The following PFDN1 variants were observed in gnomAD, a reference collection of about 807,000 sequenced individuals.
The protein encoded by PFDN1 is prefoldin subunit 1.
In PFDN1, 6 loss-of-function variants were observed where a neutral mutation model predicts 17.3. The observed-to-expected ratio is 0.35, with a 90% CI of 0.19 to 0.69. The LOEUF (loss-of-function observed/expected upper bound fraction) is 0.69, where lower values mean the gene tolerates loss of function less well. Among genes scored for constraint, PFDN1 ranks in the 30% least tolerant of loss-of-function variants. The pLI is 0.65. For synonymous variants in PFDN1, 58 were observed against 50.1 expected (o/e 1.16, Z -0.67); for missense variants, 113 against 146.2 (o/e 0.77, Z 1.17).
chr5:140,288,338 A>C (rs1454308447), intron 2 of PFDN1, among the ~76,000 whole-genome samples: 1 of 152,226 alleles, frequency 6.6e-6, no homozygotes, highest in South Asian at 2.1e-4. Context: ...CATTCCAACT[A>C]TATGAGATTT....
chr5:140,259,322 G>A (rs912489284), intron 3 of PFDN1, among the ~76,000 whole-genome samples: 3 of 152,190 alleles, frequency 2.0e-5, no homozygotes, highest in Non-Finnish European at 4.4e-5. Context: ...GACAAATAAC[G>A]TTAACTCCTA....
At chr5:140,266,964 T>A (rs1042490523) in intron 3 of PFDN1, among the ~76,000 whole-genome samples, 1 of 152,264 alleles carries the variant, frequency 6.6e-6, no homozygotes, top group Admixed American at 6.5e-5. Context: ...GAATCACACA[T>A]GCTGCGGTGT....
At chr5:140,250,586 T>C (rs1764898552) in intron 3 of PFDN1, among the ~76,000 whole-genome samples, 1 of 152,190 alleles carries the variant, frequency 6.6e-6, no homozygotes, top group South Asian at 2.1e-4. Context: ...CAGGACTTTG[T>C]TCTGTCACCT....
Position 140,245,892 on chromosome 5 carries a change from G to T in PFDN1, c.*82C>A. ...AAATAAAGCATCCATCGGGGCAGAGGAGAAGCTGTTTCCCTGCAGACACTC... is the reference window on the plus strand; with the variant it reads ...AAATAAAGCATCCATCGGGGCAGAGTAGAAGCTGTTTCCCTGCAGACACTC... On this transcript the variant is annotated 3_prime_UTR_variant, in exon 4 of 4. Transcript: ENST00000261813. 1.3e-6 allele frequency: 1 copy of T among 777,366 alleles called. No homozygotes were observed. Among genetic ancestry groups the T allele is most frequent in the Non-Finnish European group, 2.2e-6 (1 of 445,192 alleles). 48.2% of individuals were successfully genotyped at this position (777,366 alleles called of 1,614,324 possible).
chr5:140,281,079 C>A, intron 3 of PFDN1: 1 of 165,314 alleles, frequency 6.0e-6, no homozygotes. Context: ...TCATTATTAC[C>A]CACTCTCCTG....
chr5:140,256,681 A>AAAAAC, intron 3 of PFDN1, among the ~76,000 whole-genome samples: 1 of 149,724 alleles, frequency 6.7e-6, no homozygotes, highest in Non-Finnish European at 1.5e-5. Context: ...AAAAAAAAAA[A>AAAAAC]AGCTATGTTT....
At chr5:140,275,763 C>A (rs1765281749) in intron 3 of PFDN1, among the ~76,000 whole-genome samples, 1 of 151,364 alleles carries the variant, frequency 6.6e-6, no homozygotes, top group African/African-American at 2.4e-5. Context: ...GCACCTATGT[C>A]ATGGAAAAGG....
At chr5:140,251,971 T>C (rs988594652) in intron 3 of PFDN1, among the ~76,000 whole-genome samples, 1 of 151,808 alleles carries the variant, frequency 6.6e-6, no homozygotes, top group African/African-American at 2.4e-5. Flanking sequence ...TGTCTCCAGC[T>C]CTCCTTCTCT....
intron 2 of PFDN1, among the ~76,000 whole-genome samples, chr5:140,294,844 C>A (rs956299112): frequency 1.3e-5 from 2 of 151,850 alleles, no homozygotes; most frequent in African/African-American, 4.8e-5. Context: ...AGTAACACCG[C>A]TCCCAAACAG....
At chr5:140,288,128 A>G (rs1765525442) in intron 2 of PFDN1, among the ~76,000 whole-genome samples, 1 of 152,256 alleles carries the variant, frequency 6.6e-6, no homozygotes, top group South Asian at 2.1e-4. Context: ...CAGCTGCTTC[A>G]TTTGTAACCG....
chr5:140,295,519 G>C (rs1765639605), intron 2 of PFDN1, among the ~76,000 whole-genome samples: 1 of 152,128 alleles, frequency 6.6e-6, no homozygotes, highest in Non-Finnish European at 1.5e-5. Flanking sequence ...AGTATGGTGA[G>C]GTCAGCTCAC....
intron 3 of PFDN1, among the ~76,000 whole-genome samples, chr5:140,276,590 G>A (rs1340922575): frequency 1.3e-5 from 2 of 151,912 alleles, no homozygotes; most frequent in South Asian, 4.2e-4. Flanking sequence ...AGACCAGTCT[G>A]GCCAACATGC....
chr5:140,285,347 C>CAAA (rs59589577), intron 2 of PFDN1, among the ~76,000 whole-genome samples: 8 of 88,912 alleles, frequency 9.0e-5, no homozygotes, highest in Admixed American at 2.5e-4. Flanking sequence ...GACTCCATCT[C>CAAA]AAAAAAAAAA....
intron 3 of PFDN1, among the ~76,000 whole-genome samples, chr5:140,258,675 G>A (rs567782280): frequency 7.9e-5 from 12 of 152,302 alleles, no homozygotes; most frequent in African/African-American, 2.2e-4. Flanking sequence ...AGAAGCTGAG[G>A]AGGAAGATGT....
chr5:140,287,790 C>A (rs1765519818), intron 2 of PFDN1, among the ~76,000 whole-genome samples: 2 of 152,198 alleles, frequency 1.3e-5, no homozygotes, highest in African/African-American at 4.8e-5. Flanking sequence ...ATCTGACAGA[C>A]ACCTCACCAA....
chr5:140,268,340 A>C (rs547263468), intron 3 of PFDN1, among the ~76,000 whole-genome samples: 1 of 152,326 alleles, frequency 6.6e-6, no homozygotes, highest in Admixed American at 6.5e-5. Flanking sequence ...AAAATAAATA[A>C]GATACAATTC....
chr5:140,269,839 A>G (rs1179833646), intron 3 of PFDN1, among the ~76,000 whole-genome samples: 1 of 152,234 alleles, frequency 6.6e-6, no homozygotes, highest in Admixed American at 6.5e-5. Flanking sequence ...ACTGAGGCTT[A>G]GCGTACAGCA....
At chr5:140,285,973 T>C (rs1765481186) in intron 2 of PFDN1, among the ~76,000 whole-genome samples, 1 of 151,710 alleles carries the variant, frequency 6.6e-6, no homozygotes. Context: ...GCCCCATGTC[T>C]AAAAAATAAA....
chr5:140,269,852 A>C lies in PFDN1; in HGVS notation c.285+11597T>G, dbSNP rs140998519. 2.1e-4 allele frequency among the ~76,000 whole-genome samples: 32 copies of C among 152,344 alleles called. No individual in the cohort carries two copies. The East Asian group carries it at 6.2e-3, about 29-fold the overall frequency. On this transcript the variant is annotated intron_variant, in intron 3 of 3. Coordinates refer to ENST00000261813, the MANE Select transcript of PFDN1 (RefSeq NM_002622.5). ...AAACTGAGGCTTAGCGTACAGCAAGAGTTAGAATGAAGAACTCCTAAATTA... is the reference window on the plus strand; with the variant it reads ...AAACTGAGGCTTAGCGTACAGCAAGCGTTAGAATGAAGAACTCCTAAATTA...
Sources: allele counts gnomAD v4.1 joint callset (sites outside exome capture counted in the v4.1 genomes callset), GRCh38; gene constraint gnomAD v4.1.1; transcripts MANE v1.5; gene names NCBI Gene and HGNC (gene_info 2026-07-23, HGNC 2026-07-21).